NRXN3: variants seen among roughly 807,000 people sequenced by gnomAD.
NRXN3 encodes the protein neurexin III.
In NRXN3, 32 loss-of-function variants were observed where a neutral mutation model predicts 137.6. That is an observed-to-expected ratio of 0.23 (90% CI 0.18 to 0.31). NRXN3 has a LOEUF of 0.31. NRXN3 is among the 10% of genes least tolerant of loss of function. The pLI, the probability that NRXN3 is intolerant of heterozygous loss-of-function variation, is 1.00. For synonymous variants in NRXN3, 798 were observed against 784.5 expected, an observed-to-expected ratio of 1.02 and a Z score of -0.29; for missense variants, 1,574 against 2,062.5, an observed-to-expected ratio of 0.76 and a Z score of 4.59.
chr14:79,236,651 C>A (rs950103587), intron 15 of NRXN3, among the ~76,000 whole-genome samples: 4 of 151,930 alleles, frequency 2.6e-5, no homozygotes, highest in African/African-American at 9.7e-5. Flanking sequence ...CTGGCTCACA[C>A]CTATAATGTC....
At chr14:78,183,902 C>T (rs534955372) in intron 1 of NRXN3, among the ~76,000 whole-genome samples, 6 of 152,180 alleles carry the variant, frequency 3.9e-5, no homozygotes, top group East Asian at 1.9e-4. Context: ...CAAGAAGGGG[C>T]GGATGTGTGG....
rs1259606447 is a variant in NRXN3, at chr14:78,968,944, C to G, written c.3142+598C>G. On this transcript the variant is annotated intron_variant, in intron 14 of 20. Coordinates refer to ENST00000335750, the MANE Select transcript of NRXN3 (RefSeq NM_001330195.2). ...TTATGGGCTTTGATATTAGAAATAC[C>G]TGGATTCAGCTCCAGGTAGTAGCTC... 2.0e-5 allele frequency among the ~76,000 whole-genome samples: 3 copies of G among 152,058 alleles called. No homozygotes were observed. The South Asian group carries it at 6.2e-4, about 32-fold the overall frequency.
At chr14:79,473,951 C>G (rs1159385991) in intron 16 of NRXN3, among the ~76,000 whole-genome samples, 1 of 152,174 alleles carries the variant, frequency 6.6e-6, no homozygotes, top group African/African-American at 2.4e-5. Context: ...GTAACCTGGA[C>G]TAGAGGCAGC....
intron 14 of NRXN3, among the ~76,000 whole-genome samples, chr14:78,983,014 G>A (rs2099493333): frequency 6.6e-6 from 1 of 152,030 alleles, no homozygotes; most frequent in Admixed American, 6.6e-5. Context: ...TATGCAGATG[G>A]CCAACATATA....
intron 8 of NRXN3, among the ~76,000 whole-genome samples, chr14:78,728,995 T>TA (rs1164829130): frequency 6.6e-6 from 1 of 152,220 alleles, no homozygotes; most frequent in Non-Finnish European, 1.5e-5. Flanking sequence ...AACCCCTTTT[T>TA]AGCCTCAGTT....
chr14:78,178,371 T>G (rs1263534781), intron 1 of NRXN3, among the ~76,000 whole-genome samples: 1 of 152,230 alleles, frequency 6.6e-6, no homozygotes, highest in Non-Finnish European at 1.5e-5. Flanking sequence ...GTTGTAGCAC[T>G]GCTGCTTAGG....
At chr14:78,437,960 T>C (rs539540798) in intron 4 of NRXN3, among the ~76,000 whole-genome samples, 1 of 152,234 alleles carries the variant, frequency 6.6e-6, no homozygotes, top group East Asian at 1.9e-4. Context: ...TTTAGAAAGA[T>C]CTTTCTGGTG....
chr14:78,202,462 C>T (rs551810249), intron 1 of NRXN3, among the ~76,000 whole-genome samples: 133 of 152,216 alleles, frequency 8.7e-4, no homozygotes, highest in Non-Finnish European at 1.1e-3. Flanking sequence ...GACATGCTGC[C>T]GGGGGCCTTC....
chr14:78,795,508 G>A (rs965218469), intron 8 of NRXN3, among the ~76,000 whole-genome samples: 2 of 152,116 alleles, frequency 1.3e-5, no homozygotes, highest in African/African-American at 4.8e-5. Context: ...CAGACAATAA[G>A]TAAACAATCA....
intron 15 of NRXN3, among the ~76,000 whole-genome samples, chr14:79,184,867 G>A (rs1364063081): frequency 6.6e-6 from 1 of 152,170 alleles, no homozygotes; most frequent in African/African-American, 2.4e-5. Flanking sequence ...GTTTGTATAT[G>A]AAAAGATGAG....
intron 16 of NRXN3, among the ~76,000 whole-genome samples, chr14:79,513,480 A>G (rs1601488923): frequency 1.3e-5 from 2 of 152,352 alleles, no homozygotes; most frequent in Non-Finnish European, 2.9e-5. Context: ...TCCCTAGCAC[A>G]GGAGGCTGAA....
intron 19 of NRXN3, among the ~76,000 whole-genome samples, chr14:79,799,307 G>T (rs572137893): frequency 1.3e-5 from 2 of 152,290 alleles, no homozygotes; most frequent in South Asian, 4.1e-4. Flanking sequence ...TATAGGGGCA[G>T]AGGAATATTT....
intron 15 of NRXN3, among the ~76,000 whole-genome samples, chr14:79,054,583 T>G (rs1289724590): frequency 6.6e-6 from 1 of 152,334 alleles, no homozygotes; most frequent in East Asian, 1.9e-4. Flanking sequence ...AGTCAAAATA[T>G]GCCTTTGGGA....
chr14:79,372,348 T>C (rs1207618533), intron 15 of NRXN3, among the ~76,000 whole-genome samples: 1 of 152,188 alleles, frequency 6.6e-6, no homozygotes, highest in Non-Finnish European at 1.5e-5. Flanking sequence ...AGCTTATCCC[T>C]CTGTATAATA....
chr14:79,654,528 G>A (rs147686586), intron 16 of NRXN3, among the ~76,000 whole-genome samples: 42 of 152,142 alleles, frequency 2.8e-4, no homozygotes, highest in Middle Eastern at 3.4e-3. Flanking sequence ...GAGTCCAGCC[G>A]TGTCCCAATA....
intron 4 of NRXN3, among the ~76,000 whole-genome samples, chr14:78,484,191 GATA>G (rs1323606076): frequency 3.3e-5 from 5 of 152,114 alleles, no homozygotes; most frequent in Admixed American, 2.0e-4. Context: ...TTTAATAATA[GATA>G]ATGACAAATA....
chr14:78,796,568 A>G (rs1415157218), intron 8 of NRXN3, among the ~76,000 whole-genome samples: 2 of 152,226 alleles, frequency 1.3e-5, no homozygotes, highest in Non-Finnish European at 2.9e-5. Context: ...TAAAGCAGCC[A>G]GAAGTCGAGT....
At chr14:79,624,265 T>A (rs893246095) in intron 16 of NRXN3, among the ~76,000 whole-genome samples, 4 of 152,192 alleles carry the variant, frequency 2.6e-5, no homozygotes, top group African/African-American at 9.7e-5. Flanking sequence ...TCTAAGCATA[T>A]TATCAGTTCC....
chr14:79,432,049 A>G (rs748672094), intron 15 of NRXN3, among the ~76,000 whole-genome samples: 9 of 152,098 alleles, frequency 5.9e-5, no homozygotes, highest in East Asian at 1.9e-4. Flanking sequence ...TAAGCCAACA[A>G]TGGTCCTCAA....
Sources: allele counts gnomAD v4.1 joint callset (sites outside exome capture counted in the v4.1 genomes callset), GRCh38; gene constraint gnomAD v4.1.1; transcripts MANE v1.5; gene names NCBI Gene and HGNC (gene_info 2026-07-23, HGNC 2026-07-21).